GRIN1: variants seen among roughly 807,000 people sequenced by gnomAD.
GRIN1 encodes the protein glutamate receptor ionotropic, NMDA 1.
A neutral mutation model predicts 103.0 loss-of-function variants in GRIN1; 38 were observed. That is an observed-to-expected ratio of 0.37 (90% CI 0.28 to 0.48). GRIN1 has a LOEUF of 0.48. GRIN1 is among the 20% of genes least tolerant of loss of function. GRIN1 has a pLI of 0.98. For missense variants in GRIN1, 577 were observed against 1,288.9 expected (o/e 0.45, Z 8.46); for synonymous variants, 544 against 532.7 (o/e 1.02, Z -0.29).
intron 2 of GRIN1, among the ~76,000 whole-genome samples, chr9:137,144,791 A>G (rs113807449): frequency 0.15 from 714 of 4,924 alleles, 65 homozygotes; most frequent in South Asian, 0.22. Flanking sequence ...CCAGGGTGGT[A>G]GGGACAGGGG....
Position 137,165,168 on chromosome 9 carries a change from T to C in GRIN1, c.2590-18T>C. On this transcript the variant is annotated intron_variant, in intron 18 of 19. Coordinates refer to ENST00000371561, the MANE Select transcript of GRIN1 (RefSeq NM_007327.4). ...CCACCACCCTAGCCATCTAATCACTTATACATATTCATTTTAGGATAGAAA... is the reference window on the plus strand; with the variant it reads ...CCACCACCCTAGCCATCTAATCACTCATACATATTCATTTTAGGATAGAAA... The C allele has an allele frequency of 6.5e-7, 1 of 1,532,820 alleles. No individual in the cohort carries two copies. The highest frequency in any genetic ancestry group is 9.0e-7 in the Non-Finnish European group (1 of 1,107,302). 95.0% of individuals were successfully genotyped at this position (1,532,820 alleles called of 1,614,324 possible).
Position 137,145,712 on chromosome 9 carries a change from C to T in GRIN1, c.394-14C>T. On this transcript the variant is annotated splice_polypyrimidine_tract_variant and intron_variant, in intron 2 of 19. Transcript: ENST00000371561. ...CGGGTCCACCTCAGCCCGCCGTGCC[C>T]CCGCCTCCCGCAGAGCATCCACCTG... 1 of 1,610,872 alleles carries T rather than the reference C, an allele frequency of 6.2e-7. No homozygotes were observed. The highest frequency in any genetic ancestry group is 8.5e-7 in the Non-Finnish European group (1 of 1,178,382).
chr9:137,165,056 G>A (rs758992210), intron 18 of GRIN1, 130 bp from the exon 19 acceptor site: 32 of 778,724 alleles, frequency 4.1e-5, no homozygotes, highest in Non-Finnish European at 5.6e-5. Context: ...CGTCTGTCCA[G>A]CACAGGGAGG....
chr9:137,161,254 C>T, intron 9 of GRIN1, 35 bp from the exon 10 acceptor site: 1 of 1,611,052 alleles, frequency 6.2e-7, no homozygotes, highest in Non-Finnish European at 8.5e-7. Context: ...GTGGGGCGGT[C>T]TGGAGCCCAG....
Position 137,153,569 on chromosome 9 carries a change from A to G in GRIN1, c.672-3100A>G, listed in dbSNP as rs944507556. Among the ~76,000 whole-genome samples, 9 of 152,296 alleles carry G rather than the reference A, an allele frequency of 5.9e-5. No homozygotes were observed. The South Asian group carries it at 1.9e-3, about 32-fold the overall frequency. ...CATGCACCATGCATACACCATACAC[A>G]CGTGCATCTACACATACAGATACAG... On this transcript the variant is annotated intron_variant, in intron 4 of 19. Transcript: ENST00000371561.
chr9:137,154,667 G>T (rs1833116939), intron 4 of GRIN1, among the ~76,000 whole-genome samples: 1 of 151,724 alleles, frequency 6.6e-6, no homozygotes, highest in Non-Finnish European at 1.5e-5. Context: ...GGTCAGGCTG[G>T]TCTCAAATTC....
At chr9:137,165,364 C>G (rs1833812028) in intron 19 of GRIN1, 68 bp downstream of exon 19, 3 of 990,620 alleles carry the variant, frequency 3.0e-6, no homozygotes, top group Admixed American at 1.7e-5. Flanking sequence ...GTCTCCCGCC[C>G]CATCACCCCG....
At chr9:137,150,406 C>T (rs1270140717) in intron 4 of GRIN1, among the ~76,000 whole-genome samples, 29 of 146,038 alleles carry the variant, frequency 2.0e-4, no homozygotes, top group African/African-American at 7.4e-4. Context: ...AAAAGGTCCT[C>T]CCAGGGAAAG....
chr9:137,162,085 GA>G lies in GRIN1; in HGVS notation c.1631del (p.Lys544ArgfsTer32). ...KYQGLTILVK[K>X]EIPRSTLDSF... ...ACCAGGGCCTGACTATTCTGGTCAAGAAGGTGGGCAGGGGCCGGGTGGCGGG... is the reference window on the plus strand; with the variant it reads ...ACCAGGGCCTGACTATTCTGGTCAAGAGGTGGGCAGGGGCCGGGTGGCGGG... On this transcript the variant is annotated frameshift_variant and splice_region_variant, in exon 11 of 20. Transcript: ENST00000371561. LOFTEE classifies it high-confidence loss of function. 8.3e-7 allele frequency: 1 copy of G among 1,209,576 alleles called. No homozygotes were observed. The highest frequency in any genetic ancestry group is 2.4e-4 in the Middle Eastern group (1 of 4,116). The allele number at this position is 1,209,576 out of a possible 1,614,324, so 74.9% of individuals were successfully genotyped here.
intron 4 of GRIN1, among the ~76,000 whole-genome samples, chr9:137,150,731 C>T (rs1445238846): frequency 1.4e-5 from 2 of 143,028 alleles, no homozygotes; most frequent in African/African-American, 5.2e-5. Flanking sequence ...GATAAAAGCC[C>T]GCCCAGGGAA....
Position 137,163,023 on chromosome 9 carries a change from C to A in GRIN1, c.2171+20C>A. 1 of 1,574,576 alleles carries A rather than the reference C, an allele frequency of 6.4e-7. No homozygotes were observed. The highest frequency in any genetic ancestry group is 2.3e-5 in the East Asian group (1 of 43,206). On this transcript the variant is annotated intron_variant, in intron 15 of 19. Coordinates refer to ENST00000371561, the MANE Select transcript of GRIN1 (RefSeq NM_007327.4). ...AGACAAGTGAGGCGCGGGCGGCCACCCTGGCGGGGCGGGACAGGTGCGGGG... is the reference window on the plus strand; with the variant it reads ...AGACAAGTGAGGCGCGGGCGGCCACACTGGCGGGGCGGGACAGGTGCGGGG...
intron 3 of GRIN1, among the ~76,000 whole-genome samples, chr9:137,147,932 C>T (rs1397298985): frequency 1.3e-5 from 2 of 152,124 alleles, no homozygotes; most frequent in East Asian, 1.9e-4. Context: ...AGCACAGCTT[C>T]GTGGCAGGGA....
chr9:137,144,652 A>G (rs1832389703), intron 2 of GRIN1, among the ~76,000 whole-genome samples: 1 of 142,874 alleles, frequency 7.0e-6, no homozygotes, highest in African/African-American at 2.6e-5. Context: ...TTAAAAAAAA[A>G]AAAAAGTGTC....
intron 2 of GRIN1, among the ~76,000 whole-genome samples, chr9:137,144,488 A>T (rs1365802985): frequency 6.6e-6 from 1 of 151,874 alleles, no homozygotes. Flanking sequence ...CCCCATCTCC[A>T]CTAAAAATAC....
Position 137,158,427 on chromosome 9 carries a change from G to A in GRIN1, c.1017G>A (p.Glu339=). ...CGGATGGGGTGACTGGTCGCGTGGA[G>A]TTCAATGAGGATGGGGACCGGAAGT... is the stretch of plus-strand genomic sequence containing the variant. ...KYADGVTGRV[E]FNEDGDRKFA... The change falls in exon 7 of 20, where the codon GAG becomes GAA. Residue 339 remains glutamate (E), a synonymous_variant. Coordinates refer to ENST00000371561, the MANE Select transcript of GRIN1 (RefSeq NM_007327.4). 2 of 1,613,620 alleles carry A rather than the reference G, an allele frequency of 1.2e-6. No homozygotes were observed. The highest frequency in any genetic ancestry group is 1.7e-6 in the Non-Finnish European group (2 of 1,179,976).
chr9:137,153,682 T>C (rs920397748), intron 4 of GRIN1, among the ~76,000 whole-genome samples: 1 of 151,974 alleles, frequency 6.6e-6, no homozygotes, highest in African/African-American at 2.4e-5. Context: ...CACATGCACA[T>C]ACATCACAAC....
chr9:137,156,946 C>A lies in GRIN1; in HGVS notation c.877C>A (p.His293Asn). ...CGTGGGCGTGGTGGCCCAGGCCGTGCACGAGCTCCTCGAGAAGGAGAACAT... is the reference window on the plus strand; with the variant it reads ...CGTGGGCGTGGTGGCCCAGGCCGTGAACGAGCTCCTCGAGAAGGAGAACAT... ...DAVGVVAQAV[H>N]ELLEKENITD... Residue 293 changes from histidine to asparagine, a missense_variant, in exon 6 of 20, where the codon CAC becomes AAC. His to Asn is a moderately conservative substitution (Grantham distance 68). This residue lies in a region of GRIN1 where 308 missense variants were observed against 553.6 expected (regional missense o/e 0.56). Coordinates refer to ENST00000371561, the MANE Select transcript of GRIN1 (RefSeq NM_007327.4). 1 of 1,612,128 alleles carries A rather than the reference C, an allele frequency of 6.2e-7. No individual in the cohort carries two copies. Among genetic ancestry groups the A allele is most frequent in the African/African-American group, 1.3e-5 (1 of 75,066 alleles).
At chr9:137,164,043 T>A (rs990128918) in intron 18 of GRIN1, 139 bp downstream of exon 18, 1 of 1,056,294 alleles carries the variant, frequency 9.5e-7, no homozygotes, top group African/African-American at 1.6e-5. Flanking sequence ...GGGGCAGTGG[T>A]GAGTGCTCCC....
chr9:137,156,176 C>G lies in GRIN1; in HGVS notation c.672-493C>G, dbSNP rs74575568. ...TAAACAACATAATCCCCGTAAAACA[C>G]TTCGAGCAGTGCCTGGTATCTGGCC... On this transcript the variant is annotated intron_variant, in intron 4 of 19. Transcript: ENST00000371561. Among the ~76,000 whole-genome samples, 804 of 152,332 alleles carry G rather than the reference C, an allele frequency of 5.3e-3. 7 individuals carry two copies. Among genetic ancestry groups the G allele is most frequent in the African/African-American group, 0.018 (764 of 41,566 alleles).
Sources: gnomAD v4.1 joint callset for allele counts (sites outside exome capture counted in the v4.1 genomes callset) on GRCh38, gnomAD v4.1.1 for gene constraint, gnomAD v4.1.1 regional missense constraint, MANE v1.5 for transcripts, NCBI Gene and HGNC (gene_info 2026-07-23, HGNC 2026-07-21) for gene names.